OR2M2: variants seen among roughly 807,000 people sequenced by gnomAD.
The protein encoded by OR2M2 is olfactory receptor 2M2.
For missense variants in OR2M2, 467 were observed against 429.9 expected, an observed-to-expected ratio of 1.09 and a Z score of -0.76; for synonymous variants, 168 against 151.7, an observed-to-expected ratio of 1.11 and a Z score of -0.79.
rs562227262 is a variant in OR2M2, at chr1:248,180,422, C to T, written c.437C>T (p.Thr146Ile). 3.7e-5 allele frequency: 59 copies of T among 1,613,376 alleles called. 1 individual carries two copies. In the South Asian group the frequency reaches 6.0e-4, roughly 17 times the overall value. The change falls in exon 2 of 2, where the codon ACC becomes ATC. Residue 146 changes from threonine to isoleucine, a missense_variant. Physicochemically the swap from Thr to Ile is moderately conservative, Grantham distance 89 (BLOSUM62 -1). Transcript: ENST00000641836. ...MNPKICGLMA[T>I]FSWILGSTDG... ...CCTAAAATTTGTGGACTTATGGCTA[C>T]CTTCTCCTGGATCCTGGGCTCTACA...
Position 248,180,055 on chromosome 1 carries a change from C to T in OR2M2, c.70C>T (p.His24Tyr). 1 of 1,614,028 alleles carries T rather than the reference C, an allele frequency of 6.2e-7. No homozygotes were observed. The highest frequency in any genetic ancestry group is 2.2e-5 in the East Asian group (1 of 44,884). The change falls in exon 2 of 2, where the codon CAC (histidine) becomes TAC (tyrosine). Residue 24 changes from histidine to tyrosine, a missense_variant. His to Tyr is a moderately conservative substitution (Grantham distance 83, BLOSUM62 2). Coordinates refer to ENST00000641836, the MANE Select transcript of OR2M2 (RefSeq NM_001004688.2). ...TGGAATCTTCAATCACAGCCCACCA[C>T]ACACGTTCCTCTTCTTTCTGGTCCT... ...LLGIFNHSPP[H>Y]TFLFFLVLGI...
chr1:248,178,499 A>G (rs571520660), intron 1 of OR2M2, among the ~76,000 whole-genome samples: 1 of 152,266 alleles, frequency 6.6e-6, no homozygotes, highest in South Asian at 2.1e-4. Flanking sequence ...ACAATCTTCT[A>G]TACATTTCTA....
At position 248,180,892 on chromosome 1, in the gene OR2M2, A is replaced by C; in HGVS notation, c.907A>C (p.Lys303Gln). ...CAAGGAGGTGACTAGAGCATTCATG[A>C]AGATCTTAGGAAAGGGCAAGTCTGA... ...RNKEVTRAFM[K>Q]ILGKGKSESE... The change falls in exon 2 of 2, where the codon AAG becomes CAG. Residue 303 changes from lysine (K) to glutamine (Q), a missense_variant. Lys to Gln is a moderately conservative substitution (Grantham distance 53). Coordinates refer to ENST00000641836, the MANE Select transcript of OR2M2 (RefSeq NM_001004688.2). 1 of 1,614,102 alleles carries C rather than the reference A, an allele frequency of 6.2e-7. No individual in the cohort carries two copies. The highest frequency in any genetic ancestry group is 8.5e-7 in the Non-Finnish European group (1 of 1,180,000).
chr1:248,175,505 A>T (rs1038300915), intron 1 of OR2M2, among the ~76,000 whole-genome samples: 1 of 152,120 alleles, frequency 6.6e-6, no homozygotes, highest in Non-Finnish European at 1.5e-5. Flanking sequence ...ATATATCATT[A>T]TCTACATGCA....
In OR2M2 at chr1:248,180,121, G is replaced by T; in HGVS notation, c.136G>T (p.Val46Phe). 6.2e-7 allele frequency: 1 copy of T among 1,613,702 alleles called. No individual in the cohort carries two copies. The highest frequency in any genetic ancestry group is 8.5e-7 in the Non-Finnish European group (1 of 1,179,932). ...GGCCTTCATGGGAAACTCTGTCATG[G>T]TTCTCCTCATCTACCTGGACACCCA... ...LVAFMGNSVM[V>F]LLIYLDTQLH... The change falls in exon 2 of 2, where the codon GTT (valine) becomes TTT (phenylalanine). Residue 46 changes from valine (V) to phenylalanine (F), a missense_variant. Val to Phe is a conservative substitution (Grantham distance 50). Coordinates refer to ENST00000641836, the MANE Select transcript of OR2M2 (RefSeq NM_001004688.2).
Position 248,180,679 on chromosome 1 carries a change from G to C in OR2M2, c.694G>C (p.Glu232Gln). The C allele has an allele frequency of 6.2e-7, 1 of 1,612,460 alleles. No individual in the cohort carries two copies. Among genetic ancestry groups the C allele is most frequent in the Non-Finnish European group, 8.5e-7 (1 of 1,179,848 alleles). The change falls in exon 2 of 2, where the codon GAG (glutamate) becomes CAG (glutamine). Residue 232 changes from glutamate (E) to glutamine (Q), a missense_variant. Transcript: ENST00000641836. ...GGCTGTCATTCACATGGGATCTGGA[G>C]AGGGTCGTTGCAAAGCTTTCACGAC... ...ILAVIHMGSG[E>Q]GRCKAFTTCS...
chr1:248,179,310 T>G (rs1665896351), intron 1 of OR2M2, among the ~76,000 whole-genome samples: 1 of 152,186 alleles, frequency 6.6e-6, no homozygotes, highest in Admixed American at 6.5e-5. Context: ...TTTACGTATT[T>G]CCAAACAAGC....
chr1:248,180,897 C>G lies in OR2M2; in HGVS notation c.912C>G (p.Ile304Met). Residue 304 changes from isoleucine (I) to methionine (M), a missense_variant, in exon 2 of 2, where the codon ATC (isoleucine) becomes ATG (methionine). By Grantham distance (10) the Ile-to-Met change is conservative. Transcript: ENST00000641836. The part of the protein sequence containing the change: ...NKEVTRAFMK[I>M]LGKGKSESEL... ...AGGTGACTAGAGCATTCATGAAGAT[C>G]TTAGGAAAGGGCAAGTCTGAGAGTG... 6.2e-7 allele frequency: 1 copy of G among 1,614,106 alleles called. No homozygotes were observed. The highest frequency in any genetic ancestry group is 2.2e-5 in the East Asian group (1 of 44,868).
At chr1:248,178,807 A>G (rs574945801) in intron 1 of OR2M2, among the ~76,000 whole-genome samples, 1 of 152,330 alleles carries the variant, frequency 6.6e-6, no homozygotes, top group South Asian at 2.1e-4. Flanking sequence ...TCTTTGATCT[A>G]ATTACTGTGG....
Position 248,180,231 on chromosome 1 carries a change from C to G in OR2M2, c.246C>G (p.Ala82=). The change falls in exon 2 of 2, where the codon GCC becomes GCG. Residue 82 remains alanine, a synonymous_variant. Coordinates refer to ENST00000641836, the MANE Select transcript of OR2M2 (RefSeq NM_001004688.2). ...MLICTTVPKM[A]FNYLSGSKSI... Reference sequence around the variant, plus strand: ...TCTGCACCACCGTACCCAAGATGGCCTTCAACTACCTGTCTGGCAGCAAGT... The same window carrying G: ...TCTGCACCACCGTACCCAAGATGGCGTTCAACTACCTGTCTGGCAGCAAGT... 1 of 1,614,142 alleles carries G rather than the reference C, an allele frequency of 6.2e-7. No homozygotes were observed. The highest frequency in any genetic ancestry group is 1.3e-5 in the African/African-American group (1 of 75,006).
chr1:248,179,262 T>C (rs1321996934), intron 1 of OR2M2, among the ~76,000 whole-genome samples: 1 of 152,188 alleles, frequency 6.6e-6, no homozygotes, highest in Non-Finnish European at 1.5e-5. Flanking sequence ...AGAGACCCAC[T>C]GTGCTCCAAT....
rs1371112352 is a variant in OR2M2, at chr1:248,180,482, TCTC to T, written c.500_502del (p.Ser167del). The T allele has an allele frequency of 6.2e-7, 1 of 1,613,904 alleles. No homozygotes were observed. Among genetic ancestry groups the T allele is most frequent in the South Asian group, 1.1e-5 (1 of 91,054 alleles). On this transcript the variant is annotated inframe_deletion, in exon 2 of 2. Transcript: ENST00000641836. The stretch of plus-strand genomic sequence containing the variant: ...ATTGATGCTGTAGCCACATTTTCCT[TCTC>T]CTTTTGTGGGTCTCGGGAAATAGCC...
chr1:248,176,486 T>G (rs1665857918), intron 1 of OR2M2, among the ~76,000 whole-genome samples: 1 of 152,042 alleles, frequency 6.6e-6, no homozygotes, highest in African/African-American at 2.4e-5. Context: ...GAAATACTTG[T>G]CAGGCAATGT....
Position 248,180,470 on chromosome 1 carries a change from C to T in OR2M2, c.485C>T (p.Ala162Val), listed in dbSNP as rs1462216943. The change falls in exon 2 of 2, where the codon GCC becomes GTC. Residue 162 changes from alanine to valine, a missense_variant. Transcript: ENST00000641836. The part of the protein sequence containing the change: ...GSTDGIIDAV[A>V]TFSFSFCGSR... ...ACAGATGGAATCATTGATGCTGTAG[C>T]CACATTTTCCTTCTCCTTTTGTGGG... 3.1e-6 allele frequency: 5 copies of T among 1,613,834 alleles called. No homozygotes were observed. Among genetic ancestry groups the T allele is most frequent in the Non-Finnish European group, 4.2e-6 (5 of 1,179,906 alleles).
intron 1 of OR2M2, among the ~76,000 whole-genome samples, chr1:248,178,242 A>G (rs947887501): frequency 6.6e-5 from 10 of 152,018 alleles, no homozygotes; most frequent in African/African-American, 2.2e-4. Flanking sequence ...TTCAGCTTTC[A>G]TTGTTGTTTT....
intron 1 of OR2M2, among the ~76,000 whole-genome samples, chr1:248,179,155 T>C (rs7543914): frequency 0.3 from 46,326 of 151,930 alleles, 7,501 homozygotes; most frequent in East Asian, 0.54. Flanking sequence ...TGTAGATGCA[T>C]CACTCCAGTC....
At chr1:248,177,036 T>G (rs1572779383) in intron 1 of OR2M2, among the ~76,000 whole-genome samples, 1 of 152,078 alleles carries the variant, frequency 6.6e-6, no homozygotes, top group African/African-American at 2.4e-5. Flanking sequence ...GCTTGACACA[T>G]TCTCTGTGAC....
At chr1:248,175,596 T>C (rs182340949) in intron 1 of OR2M2, among the ~76,000 whole-genome samples, 55 of 152,232 alleles carry the variant, frequency 3.6e-4, no homozygotes, top group African/African-American at 1.3e-3. Context: ...CCTCAACCAG[T>C]TTAATGATTG....
At position 248,180,141 on chromosome 1, in the gene OR2M2, C is replaced by A; in HGVS notation, c.156C>A (p.Asp52Glu). 6.2e-7 allele frequency: 1 copy of A among 1,614,044 alleles called. No homozygotes were observed. The highest frequency in any genetic ancestry group is 8.5e-7 in the Non-Finnish European group (1 of 1,180,008). The change falls in exon 2 of 2, where the codon GAC (aspartate) becomes GAA (glutamate). Residue 52 changes from aspartate to glutamate, a missense_variant. Physicochemically the swap from Asp to Glu is conservative, Grantham distance 45. Coordinates refer to ENST00000641836, the MANE Select transcript of OR2M2 (RefSeq NM_001004688.2). ...TCATGGTTCTCCTCATCTACCTGGA[C>A]ACCCAGCTCCACACCCCCATGTACT... ...NSVMVLLIYL[D>E]TQLHTPMYFL... is the part of the protein sequence containing the mutation.
Sources: gnomAD v4.1 joint callset for allele counts (sites outside exome capture counted in the v4.1 genomes callset) on GRCh38, gnomAD v4.1.1 for gene constraint, MANE v1.5 for transcripts, NCBI Gene and HGNC (gene_info 2026-07-23, HGNC 2026-07-21) for gene names.